Variants in NTM observed in about 807,000 individuals in gnomAD.
NTM encodes neurotrimin, also known as IgLON family member 2.
NTM carries 13 observed loss-of-function variants against 42.1 expected under a neutral mutation model. That is an observed-to-expected ratio of 0.31 (90% CI 0.20 to 0.49). The LOEUF is 0.49. NTM is among the 20% of genes least tolerant of loss of function. NTM has a pLI of 0.99. For missense variants in NTM, 373 were observed against 452.8 expected (o/e 0.82, Z 1.60); for synonymous variants, 187 against 179.2 (o/e 1.04, Z -0.35).
chr11:131,409,259 G>A (rs1466357576), intron 1 of NTM, among the ~76,000 whole-genome samples: 1 of 152,240 alleles, frequency 6.6e-6, no homozygotes. Context: ...GGAAGCAGGA[G>A]GGTGTATAAT....
intron 1 of NTM, among the ~76,000 whole-genome samples, chr11:131,666,799 C>G (rs988661669): frequency 2.0e-5 from 3 of 152,210 alleles, no homozygotes; most frequent in Admixed American, 1.3e-4. Context: ...TGATGACACA[C>G]TACCATTCCA....
chr11:131,619,711 T>G (rs1358789135), intron 1 of NTM, among the ~76,000 whole-genome samples: 1 of 152,124 alleles, frequency 6.6e-6, no homozygotes, highest in African/African-American at 2.4e-5. Context: ...TAACATTAGA[T>G]TTTATGAAGA....
At chr11:131,912,092 T>C (rs2055203116) in intron 2 of NTM, among the ~76,000 whole-genome samples, 2 of 152,176 alleles carry the variant, frequency 1.3e-5, no homozygotes, top group Admixed American at 1.3e-4. Context: ...CCATAGGGCT[T>C]TGCCAGCCCT....
At chr11:131,694,833 C>T (rs2075236681) in intron 1 of NTM, among the ~76,000 whole-genome samples, 1 of 152,130 alleles carries the variant, frequency 6.6e-6, no homozygotes, top group Admixed American at 6.5e-5. Context: ...TTGGGTGGGG[C>T]GTGAATGCAG....
chr11:132,092,779 A>G (rs2060521161), intron 2 of NTM, among the ~76,000 whole-genome samples: 1 of 152,158 alleles, frequency 6.6e-6, no homozygotes, highest in Non-Finnish European at 1.5e-5. Context: ...CAGTTTCCAT[A>G]TAGTAGTGGT....
chr11:132,182,120 A>C (rs1246395114), intron 3 of NTM, among the ~76,000 whole-genome samples: 2 of 152,068 alleles, frequency 1.3e-5, no homozygotes, highest in East Asian at 3.9e-4. Flanking sequence ...CCACCAACAT[A>C]TATCAGTCAA....
intron 2 of NTM, among the ~76,000 whole-genome samples, chr11:131,932,330 T>C (rs1001739862): frequency 1.3e-5 from 2 of 152,200 alleles, no homozygotes; most frequent in African/African-American, 4.8e-5. Flanking sequence ...AGAACAAGAA[T>C]AATCCCTTGC....
At position 131,819,020 on chromosome 11, in the gene NTM, G is replaced by A. The variant is rs566939658; in HGVS notation, c.83-92544G>A. Reference sequence around the variant, plus strand: ...TCCCCTCCTAACTGTTTAAACTGTTGAGGACACTGAGATTTGAAGTTTAGT... The same window carrying A: ...TCCCCTCCTAACTGTTTAAACTGTTAAGGACACTGAGATTTGAAGTTTAGT... On this transcript the variant is annotated intron_variant, in intron 1 of 8. Coordinates refer to ENST00000683400, the MANE Select transcript of NTM (RefSeq NM_001352005.2). Among the ~76,000 whole-genome samples the A allele has an allele frequency of 5.3e-4, 80 of 152,260 alleles. No homozygotes were observed. In the South Asian group the frequency reaches 5.4e-3, roughly 10 times the overall value.
chr11:131,747,446 T>C (rs1487297589), intron 1 of NTM, among the ~76,000 whole-genome samples: 2 of 152,196 alleles, frequency 1.3e-5, no homozygotes, highest in Non-Finnish European at 2.9e-5. Flanking sequence ...CCATTCAAGC[T>C]ACCAACATCT....
Position 132,192,471 on chromosome 11 carries a change from A to G in NTM, c.401-19551A>G, listed in dbSNP as rs574821361. On this transcript the variant is annotated intron_variant, in intron 3 of 8. Coordinates refer to ENST00000683400, the MANE Select transcript of NTM (RefSeq NM_001352005.2). ...TTTCAGACAAGCAAACACTAAGGGAATTTGTTACCACCAGGCCTACTTCAC... is the reference window on the plus strand; with the variant it reads ...TTTCAGACAAGCAAACACTAAGGGAGTTTGTTACCACCAGGCCTACTTCAC... Among the ~76,000 whole-genome samples, 3 of 152,322 alleles carry G rather than the reference A, an allele frequency of 2.0e-5. No homozygotes were observed. The East Asian group carries it at 5.8e-4, about 29-fold the overall frequency.
At chr11:131,995,844 T>C (rs2067907632) in intron 2 of NTM, among the ~76,000 whole-genome samples, 2 of 152,052 alleles carry the variant, frequency 1.3e-5, no homozygotes, top group Non-Finnish European at 2.9e-5. Flanking sequence ...AAAATGAATG[T>C]AGCTACATGC....
intron 4 of NTM, among the ~76,000 whole-genome samples, chr11:132,228,382 C>A (rs540795303): frequency 6.6e-6 from 1 of 152,132 alleles, no homozygotes; most frequent in Non-Finnish European, 1.5e-5. Flanking sequence ...ACCTGGAAAA[C>A]GTACCTGCCG....
chr11:132,210,578 T>C (rs759223587), intron 3 of NTM, among the ~76,000 whole-genome samples: 1 of 152,178 alleles, frequency 6.6e-6, no homozygotes, highest in African/African-American at 2.4e-5. Flanking sequence ...GTAAATGACA[T>C]CTTTACTCCA....
chr11:131,795,481 G>A (rs1007747594), intron 1 of NTM: 2 of 985,304 alleles, frequency 2.0e-6, no homozygotes, highest in East Asian at 2.3e-4. Context: ...ATACCTGGTT[G>A]CCTCCAAGCT....
intron 2 of NTM, among the ~76,000 whole-genome samples, chr11:131,998,414 G>A (rs984562605): frequency 6.6e-6 from 1 of 152,126 alleles, no homozygotes; most frequent in African/African-American, 2.4e-5. Flanking sequence ...GGCCCCCCTT[G>A]TCCTACCACA....
At position 132,123,117 on chromosome 11, in the gene NTM, C is replaced by G. The variant is rs370271690; in HGVS notation, c.168-23165C>G. On this transcript the variant is annotated intron_variant, in intron 2 of 8. Coordinates refer to ENST00000683400, the MANE Select transcript of NTM (RefSeq NM_001352005.2). ...TCTCACTCCCCCTTTGCTTCTCTCT[C>G]TTTTCTCTCATCTGCAATGAGGCTG... Among the ~76,000 whole-genome samples, 5 of 152,178 alleles carry G rather than the reference C, an allele frequency of 3.3e-5. No homozygotes were observed. The East Asian group carries it at 9.6e-4, about 29-fold the overall frequency.
At chr11:132,205,406 C>T (rs1359614312) in intron 3 of NTM, among the ~76,000 whole-genome samples, 1 of 152,162 alleles carries the variant, frequency 6.6e-6, no homozygotes, top group Non-Finnish European at 1.5e-5. Context: ...GAAGCTAAAC[C>T]AAGAGTAGGG....
chr11:131,820,617 A>G (rs1007002212), intron 1 of NTM, among the ~76,000 whole-genome samples: 1 of 152,160 alleles, frequency 6.6e-6, no homozygotes, highest in Non-Finnish European at 1.5e-5. Context: ...AGAGTTCACT[A>G]TCCTTAATTT....
At chr11:131,738,727 C>A (rs1236731370) in intron 1 of NTM, among the ~76,000 whole-genome samples, 1 of 151,848 alleles carries the variant, frequency 6.6e-6, no homozygotes, top group Non-Finnish European at 1.5e-5. Context: ...ATGAATTACT[C>A]CCCAGAGAAG....
Sources: allele counts gnomAD v4.1 joint callset (sites outside exome capture counted in the v4.1 genomes callset), GRCh38; gene constraint gnomAD v4.1.1; transcripts MANE v1.5; gene names NCBI Gene and HGNC (gene_info 2026-07-23, HGNC 2026-07-21).